The following FAM83D variants were observed in gnomAD, a reference collection of about 807,000 sequenced individuals.
FAM83D encodes the protein scaffolding CK1 anchoring protein D, also known as protein FAM83D.
A neutral mutation model predicts 25.4 loss-of-function variants in FAM83D; 26 were observed. The observed-to-expected ratio is 1.02, with a 90% CI of 0.75 to 1.42. FAM83D has a LOEUF of 1.42. FAM83D is among the 40% of genes most tolerant of loss of function. FAM83D has a pLI of 0.00. For synonymous variants in FAM83D, 310 were observed against 318.5 expected (o/e 0.97, Z 0.28); for missense variants, 740 against 758.1 (o/e 0.98, Z 0.28).
At chr20:38,935,012 A>G (rs892682590) in intron 1 of FAM83D, among the ~76,000 whole-genome samples, 1 of 152,238 alleles carries the variant, frequency 6.6e-6, no homozygotes, top group African/African-American at 2.4e-5. Context: ...TTATATACAT[A>G]ATACACATGT....
At chr20:38,939,306 C>T (rs548985036) in intron 1 of FAM83D, among the ~76,000 whole-genome samples, 1 of 152,226 alleles carries the variant, frequency 6.6e-6, no homozygotes, top group East Asian at 1.9e-4. Context: ...CCTATAGTGC[C>T]CATAGTCCAC....
At chr20:38,937,614 G>A (rs2085684355) in intron 1 of FAM83D, among the ~76,000 whole-genome samples, 1 of 152,182 alleles carries the variant, frequency 6.6e-6, no homozygotes, top group South Asian at 2.1e-4. Flanking sequence ...GGGATTTGAA[G>A]GAAGACTTCC....
chr20:38,938,530 C>T (rs2085688009), intron 1 of FAM83D, among the ~76,000 whole-genome samples: 1 of 152,216 alleles, frequency 6.6e-6, no homozygotes, highest in Non-Finnish European at 1.5e-5. Flanking sequence ...GTGCATTTTC[C>T]TCTTTAGCTT....
Position 38,926,932 on chromosome 20 carries a change from G to A in FAM83D, c.483+7G>A. 1 of 1,437,540 alleles carries A rather than the reference G, an allele frequency of 7.0e-7. No individual in the cohort carries two copies. The highest frequency in any genetic ancestry group is 9.1e-7 in the Non-Finnish European group (1 of 1,102,882). The allele number at this position is 1,437,540 out of a possible 1,614,324, so 89.0% of individuals were successfully genotyped here. On this transcript the variant is annotated splice_region_variant and intron_variant, in intron 1 of 3. Coordinates refer to ENST00000619850, the MANE Select transcript of FAM83D (RefSeq NM_030919.3). ...GCTCCGCTCGGCGCGAGAGGTGAGCGGCCCTCCAGGGCCCTGGGTCGCACG... is the reference window on the plus strand; with the variant it reads ...GCTCCGCTCGGCGCGAGAGGTGAGCAGCCCTCCAGGGCCCTGGGTCGCACG...
chr20:38,934,453 A>C (rs2085670459), intron 1 of FAM83D, among the ~76,000 whole-genome samples: 1 of 146,048 alleles, frequency 6.8e-6, no homozygotes, highest in Admixed American at 7.2e-5. Flanking sequence ...AGATCGTGCC[A>C]TTGCACTCCG....
At chr20:38,947,031 G>A (rs1461198758) in intron 2 of FAM83D, among the ~76,000 whole-genome samples, 1 of 152,092 alleles carries the variant, frequency 6.6e-6, no homozygotes, top group East Asian at 1.9e-4. Context: ...CATAGTAGGG[G>A]CTCTCTATGT....
intron 1 of FAM83D, among the ~76,000 whole-genome samples, chr20:38,935,033 C>G (rs1427701867): frequency 3.3e-5 from 5 of 151,698 alleles, no homozygotes; most frequent in South Asian, 2.1e-4. Flanking sequence ...TTATATAAAA[C>G]AAATATGTTT....
rs530053440 is a variant in FAM83D at position 38,928,363 on chromosome 20, C to T, written c.483+1438C>T. ...TTTCAGTGGTAGTGGATACAGTGAC[C>T]TAGTGCCTTGCCTTTGAGGGAGTGG... is the stretch of plus-strand genomic sequence containing the variant. On this transcript the variant is annotated intron_variant, in intron 1 of 3. Transcript: ENST00000619850. 3.3e-5 allele frequency among the ~76,000 whole-genome samples: 5 copies of T among 152,326 alleles called. No homozygotes were observed. The East Asian group carries it at 9.6e-4, about 29-fold the overall frequency.
chr20:38,950,947 G>A (rs1054173720), intron 3 of FAM83D, among the ~76,000 whole-genome samples: 2 of 152,076 alleles, frequency 1.3e-5, no homozygotes, highest in African/African-American at 4.8e-5. Flanking sequence ...AGCCTCCCGA[G>A]TAGCTAGGAT....
intron 2 of FAM83D, among the ~76,000 whole-genome samples, chr20:38,946,146 G>A (rs1276369398): frequency 1.4e-5 from 2 of 142,464 alleles, no homozygotes; most frequent in African/African-American, 5.2e-5. Context: ...GGAGATGGAG[G>A]TTGCAGTGAG....
At position 38,926,426 on chromosome 20, in the gene FAM83D, C is replaced by A. The variant is rs80348623; in HGVS notation, c.-17C>A. The A allele has an allele frequency of 1.4e-5, 22 of 1,597,176 alleles. No individual in the cohort carries two copies. The highest frequency in any genetic ancestry group is 1.6e-5 in the Non-Finnish European group (19 of 1,178,414). On this transcript the variant is annotated 5_prime_UTR_variant, in exon 1 of 4. Coordinates refer to ENST00000619850, the MANE Select transcript of FAM83D (RefSeq NM_030919.3). ...ACGCCGGTTTTTGTCCGAGGGCTGTCGAGTCCGAGCGCCGCCATGGCTCTG... is the reference window on the plus strand; with the variant it reads ...ACGCCGGTTTTTGTCCGAGGGCTGTAGAGTCCGAGCGCCGCCATGGCTCTG...
intron 2 of FAM83D, among the ~76,000 whole-genome samples, chr20:38,945,120 G>C (rs1414126975): frequency 6.6e-6 from 1 of 152,128 alleles, no homozygotes; most frequent in East Asian, 1.9e-4. Flanking sequence ...AGCTGGTTCA[G>C]AATGTTGGGT....
Position 38,926,851 on chromosome 20 carries a change from C to A in FAM83D, c.409C>A (p.Pro137Thr). The A allele has an allele frequency of 6.6e-7, 1 of 1,525,150 alleles. No individual in the cohort carries two copies. Among genetic ancestry groups the A allele is most frequent in the Non-Finnish European group, 8.8e-7 (1 of 1,141,548 alleles). The allele number at this position is 1,525,150 out of a possible 1,614,324, so 94.5% of individuals were successfully genotyped here. Reference sequence around the variant, plus strand: ...CACGCGTGTCGAGACGCACTTCCAGCCCCGCGGCGCTGGCGAAGGTGGCCC... The same window carrying A: ...CACGCGTGTCGAGACGCACTTCCAGACCCGCGGCGCTGGCGAAGGTGGCCC... ...GATRVETHFQ[P>T]RGAGEGGPYG... The change falls in exon 1 of 4, where the codon CCC becomes ACC. Residue 137 changes from proline (P) to threonine (T), a missense_variant. Coordinates refer to ENST00000619850, the MANE Select transcript of FAM83D (RefSeq NM_030919.3).
intron 1 of FAM83D, among the ~76,000 whole-genome samples, chr20:38,940,492 A>G (rs930122738): frequency 6.6e-6 from 1 of 152,258 alleles, no homozygotes. Flanking sequence ...CTGCAGGAGA[A>G]GGAGTGAAAC....
In FAM83D at chr20:38,952,272, A is replaced by G. The variant is rs768455978; in HGVS notation, c.1510A>G (p.Asn504Asp). 1 of 1,614,146 alleles carries G rather than the reference A, an allele frequency of 6.2e-7. No individual in the cohort carries two copies. Among genetic ancestry groups the G allele is most frequent in the South Asian group, 1.1e-5 (1 of 91,090 alleles). The change falls in exon 4 of 4, where the codon AAT becomes GAT. Residue 504 changes from asparagine to aspartate, a missense_variant. Coordinates refer to ENST00000619850, the MANE Select transcript of FAM83D (RefSeq NM_030919.3). ...TTCCATCAGAACCACTGACTTCCAC[A>G]ATCCTGGCTATCCCAAGTACCTGGG... ...PASIRTTDFH[N>D]PGYPKYLGTP...
intron 2 of FAM83D, among the ~76,000 whole-genome samples, chr20:38,942,456 A>G (rs181810390): frequency 4.6e-5 from 7 of 152,376 alleles, no homozygotes; most frequent in East Asian, 1.9e-4. Flanking sequence ...TATTCATACA[A>G]TAGCATACTA....
chr20:38,945,789 G>A (rs376286788), intron 2 of FAM83D, among the ~76,000 whole-genome samples: 5 of 124,572 alleles, frequency 4.0e-5, no homozygotes, highest in South Asian at 4.8e-4. Flanking sequence ...ATAAGGTCTC[G>A]CTATGTTGCC....
At chr20:38,946,611 C>T (rs1025438359) in intron 2 of FAM83D, among the ~76,000 whole-genome samples, 2 of 152,210 alleles carry the variant, frequency 1.3e-5, no homozygotes, top group Non-Finnish European at 1.5e-5. Context: ...CCCTAGCAAC[C>T]ACTAATTTGT....
At position 38,952,995 on chromosome 20, in the gene FAM83D, C is replaced by T. The variant is rs901093733; in HGVS notation, c.*475C>T. 3 of 153,942 alleles carry T rather than the reference C, an allele frequency of 1.9e-5. No individual in the cohort carries two copies. Among genetic ancestry groups the T allele is most frequent in the Non-Finnish European group, 4.3e-5 (3 of 69,266 alleles). 9.5% of individuals were successfully genotyped at this position (153,942 alleles called of 1,614,324 possible). A position where few individuals can be genotyped will look rare whatever the true frequency, so the allele number is the denominator to read the frequency against. On this transcript the variant is annotated 3_prime_UTR_variant, in exon 4 of 4. Transcript: ENST00000619850. ...CTTCTGTTTTAAAGGTTTGAATCAC[C>T]AGCATTTTTGTGATCAAAATCCTAT...
Sources: allele counts gnomAD v4.1 joint callset (sites outside exome capture counted in the v4.1 genomes callset), GRCh38; gene constraint gnomAD v4.1.1; transcripts MANE v1.5; gene names NCBI Gene and HGNC (gene_info 2026-07-23, HGNC 2026-07-21).